ROBO2: variants seen among roughly 807,000 people sequenced by gnomAD.
The protein encoded by ROBO2 is roundabout guidance receptor 2.
In ROBO2, 53 loss-of-function variants were observed where a neutral mutation model predicts 160.8. The ratio of observed to expected loss-of-function variants is 0.33; its 90% CI spans 0.26 to 0.41. The LOEUF (loss-of-function observed/expected upper bound fraction) is 0.41, where lower values mean the gene tolerates loss of function less well. Among genes scored for constraint, ROBO2 ranks in the 10% least tolerant of loss-of-function variants. The pLI is 1.00. For missense variants in ROBO2, 1,577 were observed against 1,722.4 expected, an observed-to-expected ratio of 0.92 and a Z score of 1.49; for synonymous variants, 664 against 611.7, an observed-to-expected ratio of 1.09 and a Z score of -1.26.
chr3:76,322,182 AT>A (rs1233538651), intron 2 of ROBO2, among the ~76,000 whole-genome samples: 1 of 58,620 alleles, frequency 1.7e-5, no homozygotes, highest in East Asian at 4.8e-4. Flanking sequence ...ATATATATAT[AT>A]ATATATATAT....
chr3:77,250,072 T>C (rs193155242), intron 2 of ROBO2, among the ~76,000 whole-genome samples: 83 of 152,238 alleles, frequency 5.5e-4, no homozygotes, highest in Admixed American at 4.2e-3. Context: ...TGCTATTACA[T>C]AAAAAATGCT....
chr3:76,248,419 C>T (rs1484950193), intron 2 of ROBO2, among the ~76,000 whole-genome samples: 1 of 149,582 alleles, frequency 6.7e-6, no homozygotes, highest in Non-Finnish European at 1.5e-5. Context: ...CATATTCTCA[C>T]TCATAGGTGG....
chr3:77,066,976 C>A (rs1038960294), intron 1 of ROBO2, among the ~76,000 whole-genome samples: 2 of 151,220 alleles, frequency 1.3e-5, no homozygotes, highest in Non-Finnish European at 2.9e-5. Context: ...TCCCCTCCCC[C>A]CTCCACCCCT....
chr3:77,627,361 C>T (rs188071522), intron 23 of ROBO2, among the ~76,000 whole-genome samples: 3 of 152,064 alleles, frequency 2.0e-5, no homozygotes, highest in East Asian at 1.9e-4. Flanking sequence ...TTCACTGCAA[C>T]CTCCGCCTCC....
intron 2 of ROBO2, among the ~76,000 whole-genome samples, chr3:76,138,328 G>T (rs934794234): frequency 6.6e-6 from 1 of 151,854 alleles, no homozygotes; most frequent in Non-Finnish European, 1.5e-5. Flanking sequence ...GTTAATTTGA[G>T]CTAGAAGAAC....
intron 2 of ROBO2, among the ~76,000 whole-genome samples, chr3:76,602,925 A>G (rs1017321069): frequency 1.3e-5 from 2 of 152,324 alleles, no homozygotes; most frequent in African/African-American, 4.8e-5. Context: ...AATTAAAGAG[A>G]CATTTTTCCT....
chr3:77,603,007 A>G, intron 20 of ROBO2: 1 of 456,714 alleles, frequency 2.2e-6, no homozygotes. Flanking sequence ...CAGTCTCAGG[A>G]TTTCAGCACC....
At chr3:76,060,541 A>G (rs73842936) in intron 2 of ROBO2, among the ~76,000 whole-genome samples, 3,126 of 152,320 alleles carry the variant, frequency 0.021, 44 homozygotes, top group East Asian at 0.081. Context: ...GGCTTCCACA[A>G]AAGGTGGTCA....
intron 2 of ROBO2, among the ~76,000 whole-genome samples, chr3:77,004,028 C>T (rs984801073): frequency 2.6e-5 from 4 of 152,076 alleles, no homozygotes; most frequent in Non-Finnish European, 5.9e-5. Flanking sequence ...AATGTATGCT[C>T]ACTTCTTTGA....
At chr3:76,455,282 TC>T (rs1418931915) in intron 2 of ROBO2, among the ~76,000 whole-genome samples, 1 of 152,122 alleles carries the variant, frequency 6.6e-6, no homozygotes, top group Non-Finnish European at 1.5e-5. Flanking sequence ...TTTCGTTTTA[TC>T]CAATGAATGT....
chr3:77,204,378 T>A (rs1274828360), intron 2 of ROBO2, among the ~76,000 whole-genome samples: 2 of 152,232 alleles, frequency 1.3e-5, no homozygotes, highest in Non-Finnish European at 2.9e-5. Flanking sequence ...TTACTTTAAA[T>A]AAATTATATT....
At chr3:76,622,815 T>G (rs1173914688) in intron 2 of ROBO2, among the ~76,000 whole-genome samples, 1 of 152,176 alleles carries the variant, frequency 6.6e-6, no homozygotes, top group Non-Finnish European at 1.5e-5. Context: ...GTGGTTTCTA[T>G]TCCCAAAAGA....
chr3:77,327,772 A>T (rs545698155), intron 2 of ROBO2, among the ~76,000 whole-genome samples: 1 of 152,124 alleles, frequency 6.6e-6, no homozygotes, highest in East Asian at 1.9e-4. Context: ...TTTAATGGCC[A>T]GGTGTCGTGG....
chr3:77,249,145 C>T (rs2153283211), intron 2 of ROBO2, among the ~76,000 whole-genome samples: 1 of 152,302 alleles, frequency 6.6e-6, no homozygotes, highest in East Asian at 1.9e-4. Context: ...GCCACCGCCC[C>T]TGCCCACATT....
intron 2 of ROBO2, among the ~76,000 whole-genome samples, chr3:76,481,656 C>T (rs13322362): frequency 0.1 from 15,281 of 152,124 alleles, 841 homozygotes; most frequent in Middle Eastern, 0.15. Flanking sequence ...GGACCCTACC[C>T]CAGTCCTTTT....
At chr3:75,957,820 G>A (rs1948774843) in intron 2 of ROBO2, among the ~76,000 whole-genome samples, 1 of 151,286 alleles carries the variant, frequency 6.6e-6, no homozygotes, top group Admixed American at 6.6e-5. Flanking sequence ...TGTGTGCTGA[G>A]GTTAATATTC....
At chr3:76,495,809 C>A in intron 2 of ROBO2, among the ~76,000 whole-genome samples, 1 of 152,130 alleles carries the variant, frequency 6.6e-6, no homozygotes, top group East Asian at 1.9e-4. Flanking sequence ...AATCCAGTGT[C>A]AGTCTGGGTA....
intron 2 of ROBO2, chr3:75,937,730 G>T (rs1947850340): frequency 4.1e-6 from 2 of 484,250 alleles, no homozygotes; most frequent in South Asian, 7.9e-5. Flanking sequence ...TTTGTTACAC[G>T]GTATTGTAAT....
intron 2 of ROBO2, among the ~76,000 whole-genome samples, chr3:77,252,822 AAAAAAAAAAATAT>A (rs1239049213): frequency 5.4e-5 from 5 of 91,822 alleles, no homozygotes; most frequent in Non-Finnish European, 1.1e-4. Flanking sequence ...AAAAAAAAAA[AAAAAAAAAAATAT>A]ATATATATAT....
Sources: allele counts gnomAD v4.1 joint callset (sites outside exome capture counted in the v4.1 genomes callset), GRCh38; gene constraint gnomAD v4.1.1; transcripts MANE v1.5; gene names NCBI Gene and HGNC (gene_info 2026-07-23, HGNC 2026-07-21).